The following B4GALNT3 variants were observed in gnomAD, a reference collection of about 807,000 sequenced individuals.
B4GALNT3 encodes the protein beta-1,4-N-acetylgalactosaminyltransferase 3.
A neutral mutation model predicts 120.2 loss-of-function variants in B4GALNT3; 86 were observed. The ratio of observed to expected loss-of-function variants is 0.72; its 90% confidence interval spans 0.60 to 0.86. B4GALNT3 has a LOEUF of 0.86. B4GALNT3 is among the 40% of genes least tolerant of loss of function. The pLI, the probability that B4GALNT3 is intolerant of heterozygous loss-of-function variation, is 0.00. For synonymous variants in B4GALNT3, 518 were observed against 510.4 expected (o/e 1.01, Z -0.20); for missense variants, 1,167 against 1,298.9 (o/e 0.90, Z 1.56).
Position 460,961 on chromosome 12 carries a change from C to G in B4GALNT3, c.169+416C>G, listed in dbSNP as rs913088471. On this transcript the variant is annotated intron_variant, in intron 1 of 19. Coordinates refer to ENST00000266383, the MANE Select transcript of B4GALNT3 (RefSeq NM_173593.4). The surrounding 1 kb of genome is among the most constrained non-coding windows in gnomAD (Gnocchi z 8.0). ...GATTCGGGTGCGGGATGCCCTCGGC[C>G]GTCCACACCCAGGCGCGCGCTCCAG... is the stretch of plus-strand genomic sequence containing the variant. 1.3e-5 allele frequency among the ~76,000 whole-genome samples: 2 copies of G among 152,190 alleles called. No homozygotes were observed. Among genetic ancestry groups the G allele is most frequent in the African/African-American group, 4.8e-5 (2 of 41,452 alleles).
At position 546,654 on chromosome 12, in the gene B4GALNT3, G is replaced by T; in HGVS notation, c.648G>T (p.Lys216Asn). The part of the protein sequence containing the change: ...QLLASVGKTG[K>N]EWTAPGEFGK... ...CTCTTCCACACCTCTAGACTGGAAA[G>T]GAGTGGACCGCCCCGGGAGAGTTTG... is the stretch of plus-strand genomic sequence containing the variant. Residue 216 changes from lysine (K) to asparagine (N), a missense_variant, in exon 7 of 20, where the codon AAG (lysine) becomes AAT (asparagine). This residue lies in a region of B4GALNT3 where 983 missense variants were observed against 1,102.5 expected (regional missense o/e 0.89). Coordinates refer to ENST00000266383, the MANE Select transcript of B4GALNT3 (RefSeq NM_173593.4). The T allele has an allele frequency of 6.4e-7, 1 of 1,551,560 alleles. No homozygotes were observed. Among genetic ancestry groups the T allele is most frequent in the Non-Finnish European group, 8.7e-7 (1 of 1,146,866 alleles).
At chr12:467,902 G>A (rs141792262) in intron 1 of B4GALNT3, among the ~76,000 whole-genome samples, 29 of 152,336 alleles carry the variant, frequency 1.9e-4, no homozygotes, top group African/African-American at 2.9e-4. Context: ...TATTGGTCAC[G>A]TAAGTTGCAT....
chr12:472,946 CCA>C (rs1341113634), intron 1 of B4GALNT3, among the ~76,000 whole-genome samples: 9 of 151,214 alleles, frequency 6.0e-5, no homozygotes, highest in African/African-American at 2.2e-4. Flanking sequence ...TTTTTTTCAT[CCA>C]CTGATTTGTA....
chr12:491,784 G>C (rs927795800), intron 1 of B4GALNT3, among the ~76,000 whole-genome samples: 1 of 152,002 alleles, frequency 6.6e-6, no homozygotes, highest in Non-Finnish European at 1.5e-5. Context: ...GGCCGGGTGC[G>C]GTGGCTTACG....
In B4GALNT3 at chr12:558,677, A is replaced by T. The variant is rs369953122; in HGVS notation, c.2761+16A>T. ...TGGCCTGAGGGTGAGCCCTGCTCAG[A>T]CTGGGGAGGGAGGAAAGACTTCTCT... On this transcript the variant is annotated intron_variant, in intron 18 of 19. Transcript: ENST00000266383. 3.1e-6 allele frequency: 5 copies of T among 1,612,296 alleles called. No homozygotes were observed. The African/African-American group carries it at 5.3e-5, about 17-fold the overall frequency.
At chr12:469,311 A>G (rs1946112413) in intron 1 of B4GALNT3, among the ~76,000 whole-genome samples, 1 of 152,208 alleles carries the variant, frequency 6.6e-6, no homozygotes, top group South Asian at 2.1e-4. Flanking sequence ...CCTTATGACT[A>G]AATGAGGTTT....
In B4GALNT3 at chr12:545,517, T is replaced by C; in HGVS notation, c.639+48T>C. The C allele has an allele frequency of 1.3e-6, 2 of 1,507,324 alleles. 1 individual carries two copies. The highest frequency in any genetic ancestry group is 2.7e-5 in the African/African-American group (2 of 72,822). The allele number at this position is 1,507,324 out of a possible 1,614,324, so 93.4% of individuals were successfully genotyped here. The stretch of plus-strand genomic sequence containing the variant: ...CCCTCCCATCTGCTCCTGGAGCCTG[T>C]TCATTGAGTCCTCCAGCAGCTGCTC... On this transcript the variant is annotated intron_variant, in intron 6 of 19. Transcript: ENST00000266383.
At chr12:515,639 C>T (rs969148840) in intron 1 of B4GALNT3, among the ~76,000 whole-genome samples, 2 of 152,148 alleles carry the variant, frequency 1.3e-5, no homozygotes, top group African/African-American at 4.8e-5. Context: ...ATGCCACTCT[C>T]ATTTGATCCT....
At chr12:546,622 C>T in intron 6 of B4GALNT3, 24 bp from the exon 7 acceptor site, 1 of 1,548,436 alleles carries the variant, frequency 6.5e-7, no homozygotes, top group South Asian at 1.2e-5. Flanking sequence ...TTCCTCCCTC[C>T]TCTTCTCTCT....
Position 559,543 on chromosome 12 carries a change from G to A in B4GALNT3, c.2888+122G>A. 1.8e-5 allele frequency: 26 copies of A among 1,408,850 alleles called. No individual in the cohort carries two copies. In the South Asian group the frequency reaches 2.0e-4, roughly 11 times the overall value. 87.3% of individuals were successfully genotyped at this position (1,408,850 alleles called of 1,614,324 possible). ...GCAGAGTCCCAAAGCACAGTAAAGA[G>A]CACTGGACTCGGAGGACGCCCTCAA... On this transcript the variant is annotated intron_variant, in intron 19 of 19. Coordinates refer to ENST00000266383, the MANE Select transcript of B4GALNT3 (RefSeq NM_173593.4).
chr12:533,666 G>A (rs928301699), intron 1 of B4GALNT3, among the ~76,000 whole-genome samples: 1 of 152,130 alleles, frequency 6.6e-6, no homozygotes, highest in Non-Finnish European at 1.5e-5. Context: ...CAGACTCGGA[G>A]CGCTCTTTCC....
intron 1 of B4GALNT3, among the ~76,000 whole-genome samples, chr12:467,707 CA>C (rs1269054262): frequency 6.6e-6 from 1 of 152,152 alleles, no homozygotes; most frequent in Non-Finnish European, 1.5e-5. Context: ...AACCTAAGGC[CA>C]AGGAAGACCA....
chr12:491,885 C>G (rs141295427), intron 1 of B4GALNT3, among the ~76,000 whole-genome samples: 61 of 151,842 alleles, frequency 4.0e-4, no homozygotes, highest in African/African-American at 1.4e-3. Context: ...GAAACCTCGT[C>G]TCTACTAAAA....
At chr12:470,492 G>A (rs150418591) in intron 1 of B4GALNT3, among the ~76,000 whole-genome samples, 4 of 152,348 alleles carry the variant, frequency 2.6e-5, no homozygotes, top group South Asian at 4.1e-4. Context: ...ATGAGGACGT[G>A]GAGGATTCCC....
chr12:460,677 T>TCGCCCCGCGC lies in B4GALNT3; in HGVS notation c.169+133_169+142dup. 2 of 966,576 alleles carry TCGCCCCGCGC rather than the reference T, an allele frequency of 2.1e-6. No individual in the cohort carries two copies. The highest frequency in any genetic ancestry group is 2.7e-6 in the Non-Finnish European group (2 of 741,910). The allele number at this position is 966,576 out of a possible 1,614,324, so 59.9% of individuals were successfully genotyped here. On this transcript the variant is annotated intron_variant, in intron 1 of 19. Transcript: ENST00000266383. The surrounding 1 kb of genome is among the most constrained non-coding windows in gnomAD (Gnocchi z 8.0). ...CCATTTCTCCCTCAGGTGCCCGGCGTCGCCCCGCGCGTACTCGGGGAGAGC... is the reference window on the plus strand; with the variant it reads ...CCATTTCTCCCTCAGGTGCCCGGCGTCGCCCCGCGCCGCCCCGCGCGTACTCGGGGAGAGC...
At chr12:528,810 G>T (rs1191542576) in intron 1 of B4GALNT3, among the ~76,000 whole-genome samples, 1 of 152,196 alleles carries the variant, frequency 6.6e-6, no homozygotes. Context: ...CTGGTTCCTG[G>T]CATTTGTGGA....
intron 1 of B4GALNT3, among the ~76,000 whole-genome samples, chr12:477,721 T>A (rs1946197834): frequency 6.6e-6 from 1 of 152,226 alleles, no homozygotes; most frequent in Non-Finnish European, 1.5e-5. Context: ...ACATGAATGA[T>A]GAAGCCCTTT....
chr12:520,906 C>T (rs1946703123), intron 1 of B4GALNT3, among the ~76,000 whole-genome samples: 1 of 152,150 alleles, frequency 6.6e-6, no homozygotes, highest in Non-Finnish European at 1.5e-5. Context: ...CTCACTTTTC[C>T]CTGGGAACTC....
chr12:495,243 G>A (rs558300135), intron 1 of B4GALNT3, among the ~76,000 whole-genome samples: 80 of 152,288 alleles, frequency 5.3e-4, no homozygotes, highest in African/African-American at 1.9e-3. Context: ...CAGAACCCAT[G>A]CTCCTAGTCA....
Sources: gnomAD v4.1 joint callset for allele counts (sites outside exome capture counted in the v4.1 genomes callset) on GRCh38, gnomAD v4.1.1 for gene constraint, gnomAD v4.1.1 regional missense constraint, Gnocchi (gnomAD v3.1) non-coding constraint, MANE v1.5 for transcripts, NCBI Gene and HGNC (gene_info 2026-07-23, HGNC 2026-07-21) for gene names.